Variants in CSMD2 observed in about 807,000 individuals in gnomAD.
The protein encoded by CSMD2 is CUB and Sushi multiple domains 2.
In CSMD2, 130 loss-of-function variants were observed where a neutral mutation model predicts 398.5. The observed-to-expected ratio is 0.33, with a 90% confidence interval of 0.28 to 0.38. The LOEUF is 0.38. Ranked by LOEUF, CSMD2 falls within the 10% of genes least tolerant of loss-of-function variation. The pLI is 1.00. For synonymous variants in CSMD2, 1,828 were observed against 1,908.5 expected, an observed-to-expected ratio of 0.96 and a Z score of 1.10; for missense variants, 3,829 against 4,764.9, an observed-to-expected ratio of 0.80 and a Z score of 5.78.
chr1:33,807,824 T>C, intron 10 of CSMD2, among the ~76,000 whole-genome samples: 1 of 152,138 alleles, frequency 6.6e-6, no homozygotes, highest in East Asian at 1.9e-4. Context: ...AAGGTCTAAA[T>C]TCTTTAGTTA....
chr1:33,631,014 C>A (rs1642436012), intron 32 of CSMD2, among the ~76,000 whole-genome samples: 1 of 150,242 alleles, frequency 6.7e-6, no homozygotes. Context: ...ACAAAATAAT[C>A]AGAAGAAAAA....
chr1:34,039,039 T>C (rs1294379833), intron 2 of CSMD2, among the ~76,000 whole-genome samples: 1 of 152,184 alleles, frequency 6.6e-6, no homozygotes, highest in Non-Finnish European at 1.5e-5. Flanking sequence ...ATTCAAATCT[T>C]ATCACGAGTG....
At chr1:33,867,426 A>G (rs1412569434) in intron 5 of CSMD2, among the ~76,000 whole-genome samples, 1 of 152,260 alleles carries the variant, frequency 6.6e-6, no homozygotes, top group Non-Finnish European at 1.5e-5. Flanking sequence ...GAAGCAATGC[A>G]CACAGCTAAG....
At chr1:33,617,713 G>T (rs929795698) in intron 37 of CSMD2, 96 bp from the exon 38 acceptor site, 1 of 858,616 alleles carries the variant, frequency 1.2e-6, no homozygotes, top group East Asian at 2.5e-5. Flanking sequence ...CAGGGAGAAG[G>T]GGTGCTTCTA....
chr1:33,519,689 A>T lies in CSMD2; in HGVS notation c.10737-12T>A. 1.2e-6 allele frequency: 2 copies of T among 1,613,972 alleles called. No homozygotes were observed. Among genetic ancestry groups the T allele is most frequent in the Non-Finnish European group, 8.5e-7 (1 of 1,179,984 alleles). ...CTTTGGGTCTTCTCCTGGCGATAAA[A>T]GAGGAAGTGCCCACGGCATGAAAAG... On this transcript the variant is annotated splice_polypyrimidine_tract_variant and intron_variant, in intron 69 of 70. Transcript: ENST00000373381. This position sits in a 1 kb window ranked among gnomAD's most constrained non-coding sequence, Gnocchi z 5.6.
At chr1:33,678,744 T>C (rs1644804297) in intron 25 of CSMD2, among the ~76,000 whole-genome samples, 1 of 152,084 alleles carries the variant, frequency 6.6e-6, no homozygotes, top group Non-Finnish European at 1.5e-5. Flanking sequence ...TATCACGCTA[T>C]CCAAAGAGCA....
chr1:34,157,716 C>T (rs1640940457), intron 1 of CSMD2, among the ~76,000 whole-genome samples: 1 of 151,742 alleles, frequency 6.6e-6, no homozygotes, highest in African/African-American at 2.4e-5. Context: ...CATTCCATCA[C>T]CTGTCTCACT....
chr1:34,042,275 T>C (rs1406689868), intron 2 of CSMD2, among the ~76,000 whole-genome samples: 1 of 152,226 alleles, frequency 6.6e-6, no homozygotes, highest in Non-Finnish European at 1.5e-5. Context: ...GTAGGGCGGC[T>C]GGCAAATCAA....
intron 6 of CSMD2, among the ~76,000 whole-genome samples, chr1:33,836,779 G>A (rs537319296): frequency 6.6e-6 from 1 of 152,288 alleles, no homozygotes; most frequent in East Asian, 1.9e-4. Flanking sequence ...TCCTTGGCTA[G>A]GAAAGCGAAT....
intron 9 of CSMD2, among the ~76,000 whole-genome samples, chr1:33,818,506 T>G (rs753883989): frequency 3.9e-5 from 6 of 152,226 alleles, no homozygotes; most frequent in Non-Finnish European, 8.8e-5. Flanking sequence ...TACATACTAT[T>G]AGCAACATTT....
At chr1:33,772,547 G>C (rs377410708) in intron 13 of CSMD2, 22 bp downstream of exon 13, 196 of 1,601,990 alleles carry the variant, frequency 1.2e-4, no homozygotes, top group Non-Finnish European at 1.6e-4. Flanking sequence ...ACCCTGGCGT[G>C]GCCTCCTCCC....
chr1:33,521,924 C>A (rs1338125575), intron 67 of CSMD2, among the ~76,000 whole-genome samples: 2 of 152,156 alleles, frequency 1.3e-5, no homozygotes, highest in Non-Finnish European at 2.9e-5. Context: ...ATAGGCCTTA[C>A]ATGCATGGTA....
intron 32 of CSMD2, among the ~76,000 whole-genome samples, chr1:33,631,127 C>A (rs1197177609): frequency 2.0e-5 from 3 of 151,398 alleles, no homozygotes; most frequent in East Asian, 1.9e-4. Context: ...TTAAAAAAAA[C>A]CCACAAAAAC....
At chr1:34,085,420 C>A (rs542695175) in intron 2 of CSMD2, among the ~76,000 whole-genome samples, 5 of 151,246 alleles carry the variant, frequency 3.3e-5, no homozygotes, top group Non-Finnish European at 7.4e-5. Context: ...TAAATTGTAC[C>A]CTTCCACACT....
At chr1:33,668,828 G>T (rs1310515539) in intron 25 of CSMD2, among the ~76,000 whole-genome samples, 1 of 152,254 alleles carries the variant, frequency 6.6e-6, no homozygotes, top group Admixed American at 6.5e-5. Flanking sequence ...GAAGCATGTT[G>T]CATGTCAAGC....
chr1:33,689,030 G>C (rs1333647180), intron 25 of CSMD2, among the ~76,000 whole-genome samples: 2 of 151,092 alleles, frequency 1.3e-5, no homozygotes, highest in Non-Finnish European at 3.0e-5. Flanking sequence ...AGGAGAAAAA[G>C]AGAGAGAGGG....
chr1:33,687,846 T>C (rs1036756), intron 25 of CSMD2, among the ~76,000 whole-genome samples: 94,090 of 151,870 alleles, frequency 0.62, 29,400 homozygotes, highest in East Asian at 0.74. Context: ...ATGAGCCCAG[T>C]TGAACACTCT....
At chr1:33,880,061 C>T (rs774426931) in intron 5 of CSMD2, among the ~76,000 whole-genome samples, 3 of 152,092 alleles carry the variant, frequency 2.0e-5, no homozygotes, top group African/African-American at 7.2e-5. Context: ...AAGTAAATTG[C>T]TCAAAGTTAA....
At chr1:33,944,235 C>A (rs866700801) in intron 3 of CSMD2, among the ~76,000 whole-genome samples, 1 of 152,110 alleles carries the variant, frequency 6.6e-6, no homozygotes, top group Middle Eastern at 3.4e-3. Flanking sequence ...GGAACGCCCC[C>A]CCCCCAACTC....
Sources: allele counts gnomAD v4.1 joint callset (sites outside exome capture counted in the v4.1 genomes callset), GRCh38; gene constraint gnomAD v4.1.1; non-coding constraint Gnocchi (gnomAD v3.1); transcripts MANE v1.5; gene names NCBI Gene and HGNC (gene_info 2026-07-23, HGNC 2026-07-21).